OR12D2: variants seen among roughly 807,000 people sequenced by gnomAD.
The protein encoded by OR12D2 is olfactory receptor family 12 subfamily D member 2.
For missense variants in OR12D2, 345 were observed against 371.6 expected, an observed-to-expected ratio of 0.93 and a Z score of 0.59; for synonymous variants, 146 against 142.3, an observed-to-expected ratio of 1.03 and a Z score of -0.19.
At position 29,396,891 on chromosome 6, in the gene OR12D2, G is replaced by C; in HGVS notation, c.192G>C (p.Leu64=). Residue 64 remains leucine (L), a synonymous_variant, in exon 2 of 2, where the codon CTG becomes CTC. Coordinates refer to ENST00000642051, the MANE Select transcript of OR12D2 (RefSeq NM_013936.4). ...TTATGTATTTCTTCCTGGGAAACCT[G>C]TCCTACCTGGATATCTGTTACTCTA... ...HSLMYFFLGN[L]SYLDICYSTV... 2 of 1,612,882 alleles carry C rather than the reference G, an allele frequency of 1.2e-6. No individual in the cohort carries two copies. The highest frequency in any genetic ancestry group is 1.7e-6 in the Non-Finnish European group (2 of 1,179,940).
rs1439305397 is a variant in OR12D2 at position 29,397,056 on chromosome 6, C to T, written c.357C>T (p.Asp119=). The change falls in exon 2 of 2, where the codon GAC becomes GAT. Residue 119 remains aspartate, a synonymous_variant. Transcript: ENST00000642051. The part of the protein sequence containing the change: ...ESMLFAVMAF[D]LSVAICKPLR... Reference sequence around the variant, plus strand: ...TGTTGTTCGCCGTGATGGCATTTGACCTCTCTGTGGCTATCTGCAAGCCAC... The same window carrying T: ...TGTTGTTCGCCGTGATGGCATTTGATCTCTCTGTGGCTATCTGCAAGCCAC... 1 of 1,613,040 alleles carries T rather than the reference C, an allele frequency of 6.2e-7. No homozygotes were observed. Among genetic ancestry groups the T allele is most frequent in the Non-Finnish European group, 8.5e-7 (1 of 1,180,010 alleles).
chr6:29,396,894 C>T lies in OR12D2; in HGVS notation c.195C>T (p.Ser65=), dbSNP rs777536169. ...SLMYFFLGNL[S]YLDICYSTVT... ...TGTATTTCTTCCTGGGAAACCTGTCCTACCTGGATATCTGTTACTCTACGG... is the reference window on the plus strand; with the variant it reads ...TGTATTTCTTCCTGGGAAACCTGTCTTACCTGGATATCTGTTACTCTACGG... The change falls in exon 2 of 2, where the codon TCC becomes TCT. Residue 65 remains serine (S), a synonymous_variant. Transcript: ENST00000642051. 1.9e-6 allele frequency: 3 copies of T among 1,612,850 alleles called. No individual in the cohort carries two copies. Among genetic ancestry groups the T allele is most frequent in the Non-Finnish European group, 2.5e-6 (3 of 1,179,882 alleles).
intron 1 of OR12D2, among the ~76,000 whole-genome samples, chr6:29,396,074 T>G (rs1438470887): frequency 1.3e-5 from 2 of 152,104 alleles, no homozygotes; most frequent in Non-Finnish European, 2.9e-5. Context: ...TTTAAAGAGG[T>G]TTTTATATCT....
chr6:29,397,380 C>G lies in OR12D2; in HGVS notation c.681C>G (p.Thr227=). ...TTATCACTTATCTCTTCTTCAAGACCCGTTCTTGTAGCATGCTCTGTAAAG... is the reference window on the plus strand; with the variant it reads ...TTATCACTTATCTCTTCTTCAAGACGCGTTCTTGTAGCATGCTCTGTAAAG... ...FYIITYLFFK[T]RSCSMLCKAL... Residue 227 remains threonine, a synonymous_variant, in exon 2 of 2, where the codon ACC becomes ACG. Coordinates refer to ENST00000642051, the MANE Select transcript of OR12D2 (RefSeq NM_013936.4). 1 of 1,613,050 alleles carries G rather than the reference C, an allele frequency of 6.2e-7. No individual in the cohort carries two copies. Among genetic ancestry groups the G allele is most frequent in the Non-Finnish European group, 8.5e-7 (1 of 1,180,024 alleles).
In OR12D2 at chr6:29,396,556, G is replaced by A. The variant is rs555808824; in HGVS notation, c.-2-142G>A. Reference sequence around the variant, plus strand: ...TAATATTGAAGAGACCAACAGCTAAGCTTCTATACAACTTCTGAGGTTTGG... The same window carrying A: ...TAATATTGAAGAGACCAACAGCTAAACTTCTATACAACTTCTGAGGTTTGG... On this transcript the variant is annotated intron_variant, in intron 1 of 1. Coordinates refer to ENST00000642051, the MANE Select transcript of OR12D2 (RefSeq NM_013936.4). 3 of 698,536 alleles carry A rather than the reference G, an allele frequency of 4.3e-6. No individual in the cohort carries two copies. In the African/African-American group the frequency reaches 5.3e-5, roughly 12 times the overall value. The allele number at this position is 698,536 out of a possible 1,614,324, so 43.3% of individuals were successfully genotyped here. A position where few individuals can be genotyped will look rare whatever the true frequency, so the allele number is the denominator to read the frequency against.
At position 29,397,356 on chromosome 6, in the gene OR12D2, T is replaced by C. The variant is rs1780606879; in HGVS notation, c.657T>C (p.Ile219=). 6.2e-7 allele frequency: 1 copy of C among 1,613,078 alleles called. No individual in the cohort carries two copies. The highest frequency in any genetic ancestry group is 8.5e-7 in the Non-Finnish European group (1 of 1,180,026). The change falls in exon 2 of 2, where the codon ATT becomes ATC. Residue 219 remains isoleucine, a synonymous_variant. Coordinates refer to ENST00000642051, the MANE Select transcript of OR12D2 (RefSeq NM_013936.4). ...FFLTLLSYFY[I]ITYLFFKTRS... ...TGACACTTCTCTCCTATTTCTACAT[T>C]ATCACTTATCTCTTCTTCAAGACCC... is the stretch of plus-strand genomic sequence containing the variant.
At position 29,395,793 on chromosome 6, in the gene OR12D2, G is replaced by A. The variant is rs1437268169; in HGVS notation, c.-25G>A. 1 of 152,030 alleles carries A rather than the reference G, an allele frequency of 6.6e-6. No individual in the cohort carries two copies. Among genetic ancestry groups the A allele is most frequent in the African/African-American group, 2.4e-5 (1 of 41,372 alleles). The allele number at this position is 152,030 out of a possible 1,614,324, so 9.4% of individuals were successfully genotyped here. ...AGTCTCAGTGCAACTGGAAACTAAA[G>A]GAACAATAACATTTGTCATCAAGTA... On this transcript the variant is annotated 5_prime_UTR_variant, in exon 1 of 2. Transcript: ENST00000642051.
Position 29,396,897 on chromosome 6 carries a change from C to A in OR12D2, c.198C>A (p.Tyr66Ter). 1 of 1,612,956 alleles carries A rather than the reference C, an allele frequency of 6.2e-7. No homozygotes were observed. The highest frequency in any genetic ancestry group is 8.5e-7 in the Non-Finnish European group (1 of 1,179,942). ...ATTTCTTCCTGGGAAACCTGTCCTA[C>A]CTGGATATCTGTTACTCTACGGTGA... ...LMYFFLGNLS[Y>*]LDICYSTVTL... Residue 66 changes from tyrosine to a stop codon, truncating the protein, a stop_gained, in exon 2 of 2, where the codon TAC becomes TAA. Coordinates refer to ENST00000642051, the MANE Select transcript of OR12D2 (RefSeq NM_013936.4). LOFTEE classifies it low-confidence loss of function (END_TRUNC).
rs36211076 is a variant in OR12D2, at chr6:29,397,554, C to A, written c.855C>A (p.Asn285Lys). 5.4e-4 allele frequency: 868 copies of A among 1,612,974 alleles called. 6 individuals are homozygous for A. In the African/African-American group the frequency reaches 9.0e-3, roughly 17 times the overall value. ...ACACTGTGGTCACTCCTGTACTAAA[C>A]CCACTGATCTATACTTTGAGGAACA... ...IMYTVVTPVL[N>K]PLIYTLRNKE... is the part of the protein sequence containing the mutation. The change falls in exon 2 of 2, where the codon AAC becomes AAA. Residue 285 changes from asparagine to lysine, a missense_variant. Transcript: ENST00000642051.
intron 1 of OR12D2, 106 bp from the exon 2 acceptor site, chr6:29,396,592 A>T (rs949892130): frequency 2.3e-6 from 2 of 882,870 alleles, no homozygotes; most frequent in Admixed American, 2.1e-5. Context: ...AAGAAGTACA[A>T]CAGTACTCTC....
chr6:29,396,619 G>A (rs1780535308), intron 1 of OR12D2, 79 bp from the exon 2 acceptor site: 1 of 1,158,820 alleles, frequency 8.6e-7, no homozygotes, highest in Admixed American at 1.9e-5. Context: ...AGTATCTTTG[G>A]CTTGGTGAGA....
Position 29,397,098 on chromosome 6 carries a change from C to T in OR12D2, c.399C>T (p.Ile133=), listed in dbSNP as rs1562968946. 4 of 1,613,202 alleles carry T rather than the reference C, an allele frequency of 2.5e-6. No individual in the cohort carries two copies. The highest frequency in any genetic ancestry group is 3.4e-6 in the Non-Finnish European group (4 of 1,180,024). ...AICKPLRYTV[I]MNPQLCTQMA... ...GCAAGCCACTTCGCTACACTGTCAT[C>T]ATGAACCCTCAGCTCTGTACCCAGA... Residue 133 remains isoleucine, a synonymous_variant, in exon 2 of 2, where the codon ATC becomes ATT. Transcript: ENST00000642051.
Position 29,397,708 on chromosome 6 carries a change from G to A in OR12D2, c.*85G>A. ...TGTGTAATTTTACTGCTTCTCAGAT[G>A]GTTTATAAGTGTAAAATAGAGGCAA... is the stretch of plus-strand genomic sequence containing the variant. On this transcript the variant is annotated 3_prime_UTR_variant, in exon 2 of 2. Coordinates refer to ENST00000642051, the MANE Select transcript of OR12D2 (RefSeq NM_013936.4). The A allele has an allele frequency of 1.6e-6, 2 of 1,221,014 alleles. No homozygotes were observed. The highest frequency in any genetic ancestry group is 2.3e-6 in the Non-Finnish European group (2 of 880,916). The allele number at this position is 1,221,014 out of a possible 1,614,324, so 75.6% of individuals were successfully genotyped here.
chr6:29,397,557 A>G lies in OR12D2; in HGVS notation c.858A>G (p.Pro286=), dbSNP rs887955863. 6.2e-7 allele frequency: 1 copy of G among 1,612,938 alleles called. No individual in the cohort carries two copies. Among genetic ancestry groups the G allele is most frequent in the Non-Finnish European group, 8.5e-7 (1 of 1,179,974 alleles). ...MYTVVTPVLN[P]LIYTLRNKEV... ...CTGTGGTCACTCCTGTACTAAACCC[A>G]CTGATCTATACTTTGAGGAACAAGG... Residue 286 remains proline, a synonymous_variant, in exon 2 of 2, where the codon CCA becomes CCG. Coordinates refer to ENST00000642051, the MANE Select transcript of OR12D2 (RefSeq NM_013936.4).
chr6:29,397,858 A>G lies in OR12D2; in HGVS notation c.*235A>G. 1 of 513,440 alleles carries G rather than the reference A, an allele frequency of 1.9e-6. No individual in the cohort carries two copies. Among genetic ancestry groups the G allele is most frequent in the Non-Finnish European group, 3.4e-6 (1 of 294,090 alleles). The allele number at this position is 513,440 out of a possible 1,614,324, so 31.8% of individuals were successfully genotyped here. A position where few individuals can be genotyped will look rare whatever the true frequency, so the allele number is the denominator to read the frequency against. ...CCTAATGCTGAAAATTTTTTGGAAT[A>G]TCAGTTGATGTAATTGACTTATTAT... On this transcript the variant is annotated 3_prime_UTR_variant, in exon 2 of 2. Coordinates refer to ENST00000642051, the MANE Select transcript of OR12D2 (RefSeq NM_013936.4).
Position 29,396,935 on chromosome 6 carries a change from T to C in OR12D2, c.236T>C (p.Met79Thr). Reference sequence around the variant, plus strand: ...TACTCTACGGTGACACTGCCAAAAATGCTGCAGAACTTTCTCTCTACACAC... The same window carrying C: ...TACTCTACGGTGACACTGCCAAAAACGCTGCAGAACTTTCTCTCTACACAC... ...ICYSTVTLPK[M>T]LQNFLSTHKA... The change falls in exon 2 of 2, where the codon ATG becomes ACG. Residue 79 changes from methionine to threonine, a missense_variant. Coordinates refer to ENST00000642051, the MANE Select transcript of OR12D2 (RefSeq NM_013936.4). 6.2e-7 allele frequency: 1 copy of C among 1,613,090 alleles called. No individual in the cohort carries two copies. The highest frequency in any genetic ancestry group is 8.5e-7 in the Non-Finnish European group (1 of 1,180,030).
rs1263515339 is a variant in OR12D2, at chr6:29,396,831, G to A, written c.132G>A (p.Leu44=). 3 of 1,612,760 alleles carry A rather than the reference G, an allele frequency of 1.9e-6. No homozygotes were observed. The highest frequency in any genetic ancestry group is 2.2e-5 in the East Asian group (1 of 44,878). The change falls in exon 2 of 2, where the codon CTG becomes CTA. Residue 44 remains leucine, a synonymous_variant. Coordinates refer to ENST00000642051, the MANE Select transcript of OR12D2 (RefSeq NM_013936.4). ...GTGTGACTGGGAATGGAGCCGTTCT[G>A]ATGATTGTCATCTCCGATCCTAGAC... ...FISVTGNGAV[L]MIVISDPRLH... is the part of the protein sequence containing the mutation.
chr6:29,397,537 G>C lies in OR12D2; in HGVS notation c.838G>C (p.Val280Leu), dbSNP rs765125007. ...DRIVAIMYTV[V>L]TPVLNPLIYT... The stretch of plus-strand genomic sequence containing the variant: ...GATTGTTGCCATCATGTACACTGTG[G>C]TCACTCCTGTACTAAACCCACTGAT... The change falls in exon 2 of 2, where the codon GTC (valine) becomes CTC (leucine). Residue 280 changes from valine to leucine, a missense_variant. Val to Leu is a conservative substitution (Grantham distance 32, BLOSUM62 1). Transcript: ENST00000642051. 2 of 1,612,950 alleles carry C rather than the reference G, an allele frequency of 1.2e-6. No individual in the cohort carries two copies. The highest frequency in any genetic ancestry group is 1.7e-6 in the Non-Finnish European group (2 of 1,180,000).
rs1780644088 is a variant in OR12D2, at chr6:29,397,724, A to T, written c.*101A>T. On this transcript the variant is annotated 3_prime_UTR_variant, in exon 2 of 2. Coordinates refer to ENST00000642051, the MANE Select transcript of OR12D2 (RefSeq NM_013936.4). ...TTCTCAGATGGTTTATAAGTGTAAAATAGAGGCAACTGGATAAAAGAAAAA... is the reference window on the plus strand; with the variant it reads ...TTCTCAGATGGTTTATAAGTGTAAATTAGAGGCAACTGGATAAAAGAAAAA... 1 of 1,042,328 alleles carries T rather than the reference A, an allele frequency of 9.6e-7. No homozygotes were observed. Among genetic ancestry groups the T allele is most frequent in the African/African-American group, 1.6e-5 (1 of 62,288 alleles). The allele number at this position is 1,042,328 out of a possible 1,614,324, so 64.6% of individuals were successfully genotyped here. A position where few individuals can be genotyped will look rare whatever the true frequency, so the allele number is the denominator to read the frequency against.
Sources: allele counts gnomAD v4.1 joint callset (sites outside exome capture counted in the v4.1 genomes callset), GRCh38; gene constraint gnomAD v4.1.1; transcripts MANE v1.5; gene names NCBI Gene and HGNC (gene_info 2026-07-23, HGNC 2026-07-21).